Variants in ANXA13 observed in about 807,000 individuals in gnomAD.
The protein encoded by ANXA13 is annexin XIII.
ANXA13 carries 36 observed loss-of-function variants against 46.6 expected under a neutral mutation model. The ratio of observed to expected loss-of-function variants is 0.77; its 90% CI spans 0.59 to 1.02. The LOEUF is 1.02. Ranked by LOEUF, ANXA13 falls within the 50% of genes least tolerant of loss-of-function variation. The pLI, the probability that ANXA13 is intolerant of heterozygous loss-of-function variation, is 0.00. For missense variants in ANXA13, 417 were observed against 396.5 expected, an observed-to-expected ratio of 1.05 and a Z score of -0.44; for synonymous variants, 163 against 152.9, an observed-to-expected ratio of 1.07 and a Z score of -0.49.
At chr8:123,685,582 A>G (rs1018675253) in intron 9 of ANXA13, among the ~76,000 whole-genome samples, 2 of 152,236 alleles carry the variant, frequency 1.3e-5, no homozygotes, top group Non-Finnish European at 2.9e-5. Flanking sequence ...TTATTTCAGC[A>G]TAAATGTGGA....
intron 1 of ANXA13, chr8:123,735,801 G>T (rs1200488718): frequency 6.2e-7 from 1 of 1,612,850 alleles, no homozygotes; most frequent in South Asian, 1.1e-5. Flanking sequence ...GTGGCTGAGA[G>T]GCTGCACGAC....
intron 1 of ANXA13, among the ~76,000 whole-genome samples, chr8:123,730,394 A>G (rs991226042): frequency 2.6e-5 from 4 of 152,218 alleles, no homozygotes; most frequent in African/African-American, 9.6e-5. Context: ...TACTGAATCA[A>G]CATTCTGGGG....
At chr8:123,681,846 G>A (rs1281600404) in intron 10 of ANXA13, among the ~76,000 whole-genome samples, 2 of 152,052 alleles carry the variant, frequency 1.3e-5, no homozygotes, top group South Asian at 2.1e-4. Flanking sequence ...GACTGGTCTC[G>A]AACTCGTGAC....
chr8:123,696,021 C>T (rs571194415), intron 4 of ANXA13, among the ~76,000 whole-genome samples: 3 of 151,892 alleles, frequency 2.0e-5, no homozygotes, highest in Non-Finnish European at 4.4e-5. Context: ...CCTTCTTTCA[C>T]CACCTCCTCG....
chr8:123,735,997 T>C, intron 1 of ANXA13: 1 of 1,105,326 alleles, frequency 9.0e-7, no homozygotes, highest in South Asian at 2.5e-5. Flanking sequence ...GGTCCATTGA[T>C]TATTCCTGGG....
chr8:123,692,994 T>C (rs1487977405), intron 8 of ANXA13, among the ~76,000 whole-genome samples: 1 of 152,172 alleles, frequency 6.6e-6, no homozygotes, highest in Admixed American at 6.5e-5. Context: ...GTTCACTAGA[T>C]GCCAGGGCCA....
In ANXA13 at chr8:123,681,303, A is replaced by T; in HGVS notation, c.888T>A (p.Ser296=). The change falls in exon 11 of 11, where the codon TCT becomes TCA. Residue 296 remains serine (S), a synonymous_variant. Coordinates refer to ENST00000419625, the MANE Select transcript of ANXA13 (RefSeq NM_004306.4). The stretch of plus-strand genomic sequence containing the variant: ...CGGAGGTATCTGAGCGAACCATGTC[A>T]GAGAGAGACTTCTGATACTTCTCTT... ...KFQEKYQKSL[S]DMVRSDTSGD... is the part of the protein sequence containing the mutation. 2 of 1,614,220 alleles carry T rather than the reference A, an allele frequency of 1.2e-6. No homozygotes were observed. Among genetic ancestry groups the T allele is most frequent in the Non-Finnish European group, 1.7e-6 (2 of 1,180,020 alleles).
At chr8:123,724,189 A>G (rs1813938230) in intron 1 of ANXA13, among the ~76,000 whole-genome samples, 1 of 152,252 alleles carries the variant, frequency 6.6e-6, no homozygotes, top group Admixed American at 6.5e-5. Flanking sequence ...AATAACAGGA[A>G]TCACAAATGA....
intron 1 of ANXA13, among the ~76,000 whole-genome samples, chr8:123,732,221 T>G (rs1814131849): frequency 6.6e-6 from 1 of 152,214 alleles, no homozygotes; most frequent in South Asian, 2.1e-4. Context: ...TTTGCCTTAC[T>G]TTCCCCATAT....
chr8:123,730,367 G>A (rs1586342868), intron 1 of ANXA13, among the ~76,000 whole-genome samples: 3 of 152,260 alleles, frequency 2.0e-5, no homozygotes, highest in East Asian at 3.9e-4. Flanking sequence ...GCAGACTCTC[G>A]GGCTCCACCT....
chr8:123,709,904 G>A (rs1352050362), intron 2 of ANXA13, among the ~76,000 whole-genome samples: 2 of 152,106 alleles, frequency 1.3e-5, no homozygotes, highest in African/African-American at 4.8e-5. Context: ...GACTACGGGT[G>A]TGCACCACCA....
At chr8:123,702,775 A>G (rs1381127264) in intron 2 of ANXA13, 39 bp from the exon 3 acceptor site, 1 of 1,567,802 alleles carries the variant, frequency 6.4e-7, no homozygotes, top group Non-Finnish European at 8.8e-7. Flanking sequence ...ACAGTGAATA[A>G]GAAACAAGGT....
At chr8:123,735,420 A>G (rs1041258554) in intron 1 of ANXA13, among the ~76,000 whole-genome samples, 3 of 152,162 alleles carry the variant, frequency 2.0e-5, no homozygotes, top group Non-Finnish European at 2.9e-5. Context: ...ACTTTTTTAC[A>G]TGTATTCATT....
At chr8:123,721,532 C>T (rs1228110566) in intron 1 of ANXA13, among the ~76,000 whole-genome samples, 1 of 152,122 alleles carries the variant, frequency 6.6e-6, no homozygotes, top group Non-Finnish European at 1.5e-5. Flanking sequence ...TCCTTTCTTC[C>T]ATCTTGACCT....
At chr8:123,693,592 A>G in intron 7 of ANXA13, 119 bp downstream of exon 7, 1 of 872,924 alleles carries the variant, frequency 1.1e-6, no homozygotes, top group South Asian at 1.6e-5. Flanking sequence ...AGATCTAAGC[A>G]TATCTTTGTT....
At chr8:123,704,472 C>T (rs1813504932) in intron 2 of ANXA13, among the ~76,000 whole-genome samples, 1 of 151,980 alleles carries the variant, frequency 6.6e-6, no homozygotes, top group African/African-American at 2.4e-5. Flanking sequence ...GGCATGATCA[C>T]TGCAACCTCC....
chr8:123,706,019 A>G (rs1412588100), intron 2 of ANXA13, among the ~76,000 whole-genome samples: 1 of 152,156 alleles, frequency 6.6e-6, no homozygotes, highest in African/African-American at 2.4e-5. Flanking sequence ...AACCTCAAAG[A>G]GTATTTTCAC....
At chr8:123,687,019 C>G (rs1223299836) in intron 9 of ANXA13, among the ~76,000 whole-genome samples, 1 of 152,120 alleles carries the variant, frequency 6.6e-6, no homozygotes, top group African/African-American at 2.4e-5. Flanking sequence ...CATCTTTGCT[C>G]TTTGTTTTTT....
At chr8:123,702,196 T>C (rs1813457591) in intron 3 of ANXA13, among the ~76,000 whole-genome samples, 1 of 151,970 alleles carries the variant, frequency 6.6e-6, no homozygotes, top group Admixed American at 6.6e-5. Flanking sequence ...ATAAAAAGAA[T>C]GAAAGAAAAG....
Sources: allele counts gnomAD v4.1 joint callset (sites outside exome capture counted in the v4.1 genomes callset), GRCh38; gene constraint gnomAD v4.1.1; transcripts MANE v1.5; gene names NCBI Gene and HGNC (gene_info 2026-07-23, HGNC 2026-07-21).